The following MTF1 variants were observed in gnomAD, a reference collection of about 807,000 sequenced individuals.
MTF1 encodes metal regulatory transcription factor 1.
Under a neutral mutation model 70.4 loss-of-function variants are expected in MTF1, and 22 were observed. The ratio of observed to expected loss-of-function variants is 0.31; its 90% confidence interval spans 0.22 to 0.45. The LOEUF (loss-of-function observed/expected upper bound fraction) is 0.45. Among genes scored for constraint, MTF1 ranks in the 20% least tolerant of loss-of-function variants. MTF1 has a pLI of 1.00. For missense variants in MTF1, 649 were observed against 922.0 expected (o/e 0.70, Z 3.83); for synonymous variants, 333 against 352.8 (o/e 0.94, Z 0.63).
chr1:37,817,556 A>G lies in MTF1; in HGVS notation c.1768-74T>C. ...ATCCCCAGGGACCTGAAGCCTCACC[A>G]ACTGTAATGGTCATCCAAGAAGACA... On this transcript the variant is annotated intron_variant, in intron 9 of 10. Coordinates refer to ENST00000373036, the MANE Select transcript of MTF1 (RefSeq NM_005955.3). 4.1e-6 allele frequency: 4 copies of G among 976,590 alleles called. No homozygotes were observed. In the South Asian group the frequency reaches 5.2e-5, roughly 13 times the overall value. 60.5% of individuals were successfully genotyped at this position (976,590 alleles called of 1,614,324 possible).
chr1:37,851,100 G>A (rs1641412461), intron 2 of MTF1, among the ~76,000 whole-genome samples: 1 of 152,144 alleles, frequency 6.6e-6, no homozygotes, highest in Admixed American at 6.6e-5. Context: ...CAAAAGCTAA[G>A]CTAAGACAGT....
intron 3 of MTF1, among the ~76,000 whole-genome samples, chr1:37,839,606 T>C (rs1557594544): frequency 6.6e-6 from 1 of 152,182 alleles, no homozygotes; most frequent in African/African-American, 2.4e-5. Context: ...GGGGAGATAG[T>C]ACTCTATGCC....
intron 7 of MTF1, among the ~76,000 whole-genome samples, chr1:37,824,340 C>T (rs913935850): frequency 5.9e-5 from 9 of 152,126 alleles, no homozygotes; most frequent in African/African-American, 2.2e-4. Flanking sequence ...TATTTACTGT[C>T]TGGCTCATTA....
Position 37,822,443 on chromosome 1 carries a change from T to G in MTF1, c.1445A>C (p.His482Pro). The change falls in exon 9 of 11, where the codon CAT (histidine) becomes CCT (proline). Residue 482 changes from histidine (H) to proline (P), a missense_variant. Around this residue, in one of 7 missense-constraint regions of MTF1, gnomAD observed 267 missense variants for 292.1 expected, o/e 0.91. Coordinates refer to ENST00000373036, the MANE Select transcript of MTF1 (RefSeq NM_005955.3). ...VPHSTQFAAN[H>P]QEFLPHPQAP... ...CTGGGGGTGCGGAAGAAACTCTTGA[T>G]GATTAGCAGCAAACTGTGTGCTGTG... is the stretch of plus-strand genomic sequence containing the variant. 1.9e-6 allele frequency: 3 copies of G among 1,614,038 alleles called. No individual in the cohort carries two copies. The highest frequency in any genetic ancestry group is 2.5e-6 in the Non-Finnish European group (3 of 1,179,982).
intron 2 of MTF1, among the ~76,000 whole-genome samples, chr1:37,855,085 G>C (rs1341069593): frequency 6.6e-6 from 1 of 151,898 alleles, no homozygotes; most frequent in Non-Finnish European, 1.5e-5. Context: ...AAAGGACCTT[G>C]GAAAACTGGA....
intron 10 of MTF1, among the ~76,000 whole-genome samples, chr1:37,816,977 A>AT (rs1640827804): frequency 6.6e-6 from 1 of 152,116 alleles, no homozygotes; most frequent in Non-Finnish European, 1.5e-5. Context: ...GAGTCAATTA[A>AT]TTTTTCTGGG....
chr1:37,842,308 A>G (rs1004971361), intron 2 of MTF1, among the ~76,000 whole-genome samples: 2 of 147,086 alleles, frequency 1.4e-5, no homozygotes, highest in Non-Finnish European at 3.0e-5. Context: ...AGAAAGAAAA[A>G]AAAGAAAAAG....
rs376717871 is a variant in MTF1, at chr1:37,833,875, G to A, written c.990+1204C>T. ...AGCAAGTATAAAGGCCTAGGGGCAG[G>A]AGTGGACACTCCTTGGTTCAAGAAA... On this transcript the variant is annotated intron_variant, in intron 6 of 10. Transcript: ENST00000373036. Among the ~76,000 whole-genome samples, 8 of 152,180 alleles carry A rather than the reference G, an allele frequency of 5.3e-5. No homozygotes were observed. In the East Asian group the frequency reaches 1.4e-3, roughly 26 times the overall value.
chr1:37,826,017 A>G (rs1239500868), intron 7 of MTF1, among the ~76,000 whole-genome samples: 1 of 152,202 alleles, frequency 6.6e-6, no homozygotes, highest in Non-Finnish European at 1.5e-5. Flanking sequence ...CAGCACCCCT[A>G]GCCCCTGTGT....
In MTF1 at chr1:37,857,560, G is replaced by A. The variant is rs373587897; in HGVS notation, c.99C>T (p.Asn33=). ...DDKMLRFVDK[N]GLVPSSSGTV... ...TTCCAGATGAGGAAGGCACCAGTCC[G>A]TTTTTATCCACAAACCTGAGCATTT... The change falls in exon 2 of 11, where the codon AAC becomes AAT. Residue 33 remains asparagine, a synonymous_variant. Coordinates refer to ENST00000373036, the MANE Select transcript of MTF1 (RefSeq NM_005955.3). 239 of 1,614,072 alleles carry A rather than the reference G, an allele frequency of 1.5e-4. No homozygotes were observed. The highest frequency in any genetic ancestry group is 2.0e-4 in the East Asian group (9 of 44,898).
At chr1:37,830,722 T>C in intron 7 of MTF1, among the ~76,000 whole-genome samples, 1 of 152,242 alleles carries the variant, frequency 6.6e-6, no homozygotes, top group Non-Finnish European at 1.5e-5. Flanking sequence ...GTGTGTTGAC[T>C]TGTTTGTCTG....
rs1308895548 is a variant in MTF1 at position 37,811,028 on chromosome 1, A to T, written c.*4108T>A. The T allele has an allele frequency of 6.6e-6, 1 of 152,616 alleles. No individual in the cohort carries two copies. Among genetic ancestry groups the T allele is most frequent in the East Asian group, 1.9e-4 (1 of 5,204 alleles). The allele number at this position is 152,616 out of a possible 1,614,324, so 9.5% of individuals were successfully genotyped here. A position where few individuals can be genotyped will look rare whatever the true frequency, so the allele number is the denominator to read the frequency against. ...GTTCCACAAATCAATGGTTTCAATC[A>T]CTCTGGAAAAGTCTTTAAGGACAAT... On this transcript the variant is annotated 3_prime_UTR_variant, in exon 11 of 11. Coordinates refer to ENST00000373036, the MANE Select transcript of MTF1 (RefSeq NM_005955.3).
intron 2 of MTF1, among the ~76,000 whole-genome samples, chr1:37,843,345 G>A (rs1488372723): frequency 6.6e-6 from 1 of 151,950 alleles, no homozygotes; most frequent in Non-Finnish European, 1.5e-5. Flanking sequence ...CATATTTGGA[G>A]GCAGAAAAGT....
rs768995363 is a variant in MTF1, at chr1:37,839,992, C to A, written c.575G>T (p.Arg192Leu). ...AAATGGCTTCTCCTTCGTGTGCACT[C>A]GCACGTGGATCCTGAGGCTGTAAGA... ...LTSYSLRIHV[R>L]VHTKEKPFEC... The change falls in exon 3 of 11, where the codon CGA becomes CTA. Residue 192 changes from arginine (R) to leucine (L), a missense_variant. Arg to Leu is a moderately radical substitution (Grantham distance 102, BLOSUM62 -2). Transcript: ENST00000373036. 2 of 1,614,216 alleles carry A rather than the reference C, an allele frequency of 1.2e-6. No homozygotes were observed. The highest frequency in any genetic ancestry group is 1.7e-6 in the Non-Finnish European group (2 of 1,180,042).
intron 2 of MTF1, among the ~76,000 whole-genome samples, chr1:37,847,634 G>C (rs1406671678): frequency 6.6e-6 from 1 of 152,206 alleles, no homozygotes; most frequent in African/African-American, 2.4e-5. Flanking sequence ...AGAGAGAGGA[G>C]TGGCAAGAGC....
rs752296053 is a variant in MTF1 at position 37,822,724 on chromosome 1, G to C, written c.1172-8C>G. ...AACTTTCAGTCAAGGAAGCTGGCAAGAAAAAGAAATAGAAATATATATACA... is the reference window on the plus strand; with the variant it reads ...AACTTTCAGTCAAGGAAGCTGGCAACAAAAAGAAATAGAAATATATATACA... On this transcript the variant is annotated splice_polypyrimidine_tract_variant and splice_region_variant and intron_variant, in intron 8 of 10. Transcript: ENST00000373036. The C allele has an allele frequency of 1.3e-6, 2 of 1,589,702 alleles. No homozygotes were observed. Among genetic ancestry groups the C allele is most frequent in the Non-Finnish European group, 1.7e-6 (2 of 1,162,490 alleles).
chr1:37,834,566 GAT>G, intron 6 of MTF1: 1 of 426,790 alleles, frequency 2.3e-6, no homozygotes, highest in South Asian at 1.7e-5. Flanking sequence ...CACTCTGGCT[GAT>G]ATATGTAGGA....
At chr1:37,842,801 A>G (rs930748487) in intron 2 of MTF1, among the ~76,000 whole-genome samples, 3 of 152,216 alleles carry the variant, frequency 2.0e-5, no homozygotes, top group Non-Finnish European at 4.4e-5. Context: ...TCAAGGAAAC[A>G]TGATCAACAT....
intron 7 of MTF1, among the ~76,000 whole-genome samples, chr1:37,829,117 T>C (rs1317848399): frequency 9.0e-6 from 1 of 111,106 alleles, no homozygotes; most frequent in African/African-American, 2.7e-5. Context: ...GATTCTCTCT[T>C]TTTTTTCTTT....
Sources: gnomAD v4.1 joint callset for allele counts (sites outside exome capture counted in the v4.1 genomes callset) on GRCh38, gnomAD v4.1.1 for gene constraint, gnomAD v4.1.1 regional missense constraint, MANE v1.5 for transcripts, NCBI Gene and HGNC (gene_info 2026-07-23, HGNC 2026-07-21) for gene names.